The following ADAMTSL1 variants were observed in gnomAD, a reference collection of about 807,000 sequenced individuals.
The protein encoded by ADAMTSL1 is ADAMTS-like protein 1.
A neutral mutation model predicts 201.8 loss-of-function variants in ADAMTSL1; 126 were observed. That is an observed-to-expected ratio of 0.62 (90% CI 0.54 to 0.72). ADAMTSL1 has a LOEUF of 0.72. ADAMTSL1 is among the 30% of genes least tolerant of loss of function. The pLI is 0.00. For missense variants in ADAMTSL1, 2,679 were observed against 2,277.8 expected, an observed-to-expected ratio of 1.18 and a Z score of -3.59; for synonymous variants, 1,121 against 903.4, an observed-to-expected ratio of 1.24 and a Z score of -4.32.
In ADAMTSL1 at chr9:18,795,376, A is replaced by ATTTC. The variant is rs759315070; in HGVS notation, c.3678-17_3678-14dup. On this transcript the variant is annotated intron_variant, in intron 19 of 28. Coordinates refer to ENST00000380548, the MANE Select transcript of ADAMTSL1 (RefSeq NM_001040272.6). ...AGTCAACTGACTTGACCAGGTCTATATTTCTTTTCTGTCGCTCCAGGATTC... is the reference window on the plus strand; with the variant it reads ...AGTCAACTGACTTGACCAGGTCTATATTTCTTTCTTTTCTGTCGCTCCAGGATTC... 2.7e-5 allele frequency: 43 copies of ATTTC among 1,613,280 alleles called. No homozygotes were observed. In the African/African-American group the frequency reaches 5.6e-4, roughly 21 times the overall value.
At chr9:18,180,484 G>A (rs1330532964) in intron 2 of ADAMTSL1, among the ~76,000 whole-genome samples, 1 of 135,706 alleles carries the variant, frequency 7.4e-6, no homozygotes, top group East Asian at 2.2e-4. Flanking sequence ...AGTGAGCCAA[G>A]ATCCCGCCAC....
intron 1 of ADAMTSL1, among the ~76,000 whole-genome samples, chr9:17,940,719 AAAAAAAAAG>A (rs1796429064): frequency 1.4e-5 from 2 of 140,520 alleles, no homozygotes; most frequent in Admixed American, 7.1e-5. Flanking sequence ...GTGCAAAAAA[AAAAAAAAAG>A]AAAAAAAAGA....
intron 7 of ADAMTSL1, among the ~76,000 whole-genome samples, chr9:18,650,424 C>T (rs1188480965): frequency 6.6e-6 from 1 of 152,056 alleles, no homozygotes; most frequent in Non-Finnish European, 1.5e-5. Context: ...GTCTGGCACT[C>T]CCTAGTGAGA....
chr9:18,799,870 C>G (rs1258492881), intron 20 of ADAMTSL1, among the ~76,000 whole-genome samples: 1 of 152,146 alleles, frequency 6.6e-6, no homozygotes, highest in Non-Finnish European at 1.5e-5. Context: ...TCCTCTGTCC[C>G]TCCCCATCAT....
intron 2 of ADAMTSL1, among the ~76,000 whole-genome samples, chr9:18,237,413 A>T (rs1184329116): frequency 6.6e-6 from 1 of 151,898 alleles, no homozygotes; most frequent in Non-Finnish European, 1.5e-5. Context: ...TTTTGTTCTT[A>T]TTTTCTCACT....
rs140173114 is a variant in ADAMTSL1, at chr9:18,127,366, G to C, written c.88-36496G>C. ...TAATGGTCATGTAAAATGACTATGG[G>C]TGTGGGCATACGTGAATGGAGTGGG... On this transcript the variant is annotated intron_variant, in intron 1 of 29. Transcript: ENST00000680146. 1.3e-3 allele frequency among the ~76,000 whole-genome samples: 195 copies of C among 152,204 alleles called. 1 individual carries two copies. The highest frequency in any genetic ancestry group is 4.5e-3 in the African/African-American group (188 of 41,528).
intron 1 of ADAMTSL1, among the ~76,000 whole-genome samples, chr9:17,980,025 T>G (rs1190137657): frequency 3.3e-5 from 5 of 152,264 alleles, no homozygotes; most frequent in African/African-American, 1.2e-4. Context: ...CTGGGGTCAC[T>G]GGTAAAGTTT....
chr9:18,117,617 C>T (rs1011167654), intron 1 of ADAMTSL1, among the ~76,000 whole-genome samples: 3 of 152,174 alleles, frequency 2.0e-5, no homozygotes, highest in African/African-American at 7.2e-5. Context: ...TTTCCCATGG[C>T]ACCTGTCACC....
chr9:18,691,479 T>G (rs1422467117), intron 13 of ADAMTSL1, among the ~76,000 whole-genome samples: 1 of 152,184 alleles, frequency 6.6e-6, no homozygotes, highest in Non-Finnish European at 1.5e-5. Flanking sequence ...CCTCAGTTAT[T>G]CCTACCTATA....
Position 18,871,422 on chromosome 9 carries a change from A to G in ADAMTSL1, c.4250-16409A>G, listed in dbSNP as rs188710545. 2.0e-5 allele frequency among the ~76,000 whole-genome samples: 3 copies of G among 152,206 alleles called. No homozygotes were observed. The East Asian group carries it at 5.8e-4, about 29-fold the overall frequency. ...TTTGATATCTCTTCTTCCTTCTTCA[A>G]TCACTGAATTCTAGAGTTCTTCCAG... On this transcript the variant is annotated intron_variant, in intron 23 of 28. Transcript: ENST00000380548.
At chr9:17,912,927 A>G (rs1007354387) in intron 1 of ADAMTSL1, among the ~76,000 whole-genome samples, 1 of 152,106 alleles carries the variant, frequency 6.6e-6, no homozygotes, top group African/African-American at 2.4e-5. Flanking sequence ...TCCCAGCACC[A>G]TTTATTAAGT....
intron 2 of ADAMTSL1, among the ~76,000 whole-genome samples, chr9:18,326,725 T>C (rs1465802914): frequency 1.3e-5 from 2 of 152,216 alleles, no homozygotes; most frequent in Non-Finnish European, 2.9e-5. Context: ...ATGCAACCTA[T>C]TGAGGCTGTT....
At chr9:18,533,934 A>C (rs1344807224) in intron 3 of ADAMTSL1, among the ~76,000 whole-genome samples, 1 of 152,226 alleles carries the variant, frequency 6.6e-6, no homozygotes, top group African/African-American at 2.4e-5. Flanking sequence ...TGACTAGCCC[A>C]TATTGGATTT....
chr9:18,362,371 G>A (rs1836566175), intron 2 of ADAMTSL1, among the ~76,000 whole-genome samples: 1 of 152,210 alleles, frequency 6.6e-6, no homozygotes, highest in Non-Finnish European at 1.5e-5. Flanking sequence ...CAGAATAATT[G>A]TTTGATTGAA....
chr9:18,649,556 A>T (rs368344506), intron 7 of ADAMTSL1, among the ~76,000 whole-genome samples: 1 of 151,954 alleles, frequency 6.6e-6, no homozygotes, highest in Admixed American at 6.6e-5. Flanking sequence ...TGATGTACAG[A>T]TGGGTTTTTG....
At chr9:18,818,674 T>A (rs958092877) in intron 21 of ADAMTSL1, among the ~76,000 whole-genome samples, 4 of 151,932 alleles carry the variant, frequency 2.6e-5, no homozygotes, top group African/African-American at 4.8e-5. Flanking sequence ...ATGCCTATAG[T>A]CTCAGCTGAG....
At chr9:18,898,370 C>T (rs147910126) in intron 26 of ADAMTSL1, among the ~76,000 whole-genome samples, 2,210 of 152,258 alleles carry the variant, frequency 0.015, 17 homozygotes, top group Non-Finnish European at 0.02. Flanking sequence ...ATTCACAATG[C>T]AATCACAAGT....
At chr9:18,146,715 C>T (rs983703049) in intron 1 of ADAMTSL1, among the ~76,000 whole-genome samples, 1 of 152,040 alleles carries the variant, frequency 6.6e-6, no homozygotes, top group Admixed American at 6.6e-5. Context: ...GGTGAACATG[C>T]GGTCTTCAGT....
chr9:18,707,987 G>C (rs1832328079), intron 14 of ADAMTSL1, among the ~76,000 whole-genome samples: 1 of 152,186 alleles, frequency 6.6e-6, no homozygotes, highest in Non-Finnish European at 1.5e-5. Context: ...CTACTCCCAA[G>C]AGAAATTTTA....
Sources: allele counts gnomAD v4.1 joint callset (sites outside exome capture counted in the v4.1 genomes callset), GRCh38; gene constraint gnomAD v4.1.1; transcripts MANE v1.5; gene names NCBI Gene and HGNC (gene_info 2026-07-23, HGNC 2026-07-21).